Variants in LRRC4C observed in about 807,000 individuals in gnomAD.
The protein encoded by LRRC4C is leucine rich repeat containing 4C.
In LRRC4C, 5 loss-of-function variants were observed where a neutral mutation model predicts 33.6. That is an observed-to-expected ratio of 0.15 (90% CI 0.08 to 0.31). The LOEUF (loss-of-function observed/expected upper bound fraction) is 0.31. Among genes scored for constraint, LRRC4C ranks in the 10% least tolerant of loss-of-function variants. The pLI is 1.00. For synonymous variants in LRRC4C, 329 were observed against 302.0 expected, an observed-to-expected ratio of 1.09 and a Z score of -0.93; for missense variants, 560 against 796.7, an observed-to-expected ratio of 0.70 and a Z score of 3.58.
intron 4 of LRRC4C, among the ~76,000 whole-genome samples, chr11:40,303,616 A>T (rs1365880253): frequency 6.6e-6 from 1 of 152,202 alleles, no homozygotes; most frequent in East Asian, 1.9e-4. Flanking sequence ...TTAAAGCAAG[A>T]GTCTTCAATT....
chr11:40,718,947 G>A (rs1946867580), intron 2 of LRRC4C, among the ~76,000 whole-genome samples: 1 of 152,068 alleles, frequency 6.6e-6, no homozygotes, highest in South Asian at 2.1e-4. Context: ...GAAGAAACCA[G>A]GACTAAAGAT....
At chr11:40,135,334 T>C (rs1856895266) in intron 6 of LRRC4C, among the ~76,000 whole-genome samples, 1 of 152,196 alleles carries the variant, frequency 6.6e-6, no homozygotes, top group South Asian at 2.1e-4. Context: ...CCAAGTTTTC[T>C]TTTTTGCACA....
At chr11:40,839,651 G>A (rs982031271) in intron 2 of LRRC4C, among the ~76,000 whole-genome samples, 2 of 152,190 alleles carry the variant, frequency 1.3e-5, no homozygotes, top group African/African-American at 2.4e-5. Flanking sequence ...CAAAGAAGGA[G>A]AGTCATTATT....
chr11:40,528,418 G>A (rs1252173296), intron 3 of LRRC4C, among the ~76,000 whole-genome samples: 1 of 151,666 alleles, frequency 6.6e-6, no homozygotes, highest in Non-Finnish European at 1.5e-5. Flanking sequence ...CTAATCATTA[G>A]CAAAATGAAA....
intron 3 of LRRC4C, among the ~76,000 whole-genome samples, chr11:40,424,164 C>G (rs1463172123): frequency 2.0e-5 from 3 of 147,464 alleles, no homozygotes. Context: ...ACTTAAATGG[C>G]CTTCATAAAA....
chr11:40,435,547 A>G (rs1348586843), intron 3 of LRRC4C, among the ~76,000 whole-genome samples: 2 of 152,108 alleles, frequency 1.3e-5, no homozygotes, highest in East Asian at 3.9e-4. Context: ...GTAAAGTCCA[A>G]ATCTTCACTG....
chr11:40,561,408 CTTTTTTTTTTT>C (rs549919738), intron 3 of LRRC4C, among the ~76,000 whole-genome samples: 3 of 100,936 alleles, frequency 3.0e-5, no homozygotes, highest in South Asian at 3.7e-4. Context: ...CTGAGGATTC[CTTTTTTTTTTT>C]TTTTTTTTTT....
chr11:40,603,544 G>A (rs1960243276), intron 3 of LRRC4C, among the ~76,000 whole-genome samples: 1 of 152,194 alleles, frequency 6.6e-6, no homozygotes, highest in Admixed American at 6.5e-5. Context: ...GCAGATGGTG[G>A]CTAAATGTCA....
chr11:40,632,560 A>C (rs892658321), intron 3 of LRRC4C, among the ~76,000 whole-genome samples: 3 of 152,228 alleles, frequency 2.0e-5, no homozygotes, highest in Non-Finnish European at 4.4e-5. Context: ...GGAAGTGGGG[A>C]CATAGATGAG....
intron 1 of LRRC4C, among the ~76,000 whole-genome samples, chr11:41,313,844 C>T (rs190346706): frequency 2.0e-5 from 3 of 152,220 alleles, no homozygotes; most frequent in Admixed American, 6.5e-5. Flanking sequence ...GGAAGGTTCT[C>T]GAGGTTCTTA....
intron 2 of LRRC4C, among the ~76,000 whole-genome samples, chr11:40,899,575 C>G (rs908614433): frequency 5.9e-5 from 9 of 152,048 alleles, no homozygotes; most frequent in Admixed American, 2.0e-4. Context: ...TGAGCTTTTC[C>G]CAACATAGAT....
intron 4 of LRRC4C, among the ~76,000 whole-genome samples, chr11:40,286,716 C>A (rs1943865600): frequency 1.3e-5 from 2 of 151,944 alleles, no homozygotes; most frequent in South Asian, 4.2e-4. Flanking sequence ...TTTATTGCTC[C>A]CAAAATAACT....
At chr11:40,428,121 C>G (rs1282090445) in intron 3 of LRRC4C, among the ~76,000 whole-genome samples, 2 of 152,064 alleles carry the variant, frequency 1.3e-5, no homozygotes, top group Admixed American at 1.3e-4. Context: ...GAATACCAGC[C>G]CTGTCTGTAC....
In LRRC4C at chr11:40,290,033, C is replaced by G. The variant is rs73459213; in HGVS notation, c.-176+29595G>C. Among the ~76,000 whole-genome samples, 164 of 151,792 alleles carry G rather than the reference C, an allele frequency of 1.1e-3. 1 individual carries two copies. The highest frequency in any genetic ancestry group is 0.01 in the Admixed American group (160 of 15,248). The stretch of plus-strand genomic sequence containing the variant: ...AGCAGCACTGAAGAAATTTTGATGT[C>G]AACAAAAGATATATATATATATGTA... On this transcript the variant is annotated intron_variant, in intron 4 of 6. Coordinates refer to ENST00000528697, the MANE Select transcript of LRRC4C (RefSeq NM_001258419.2).
chr11:41,004,360 G>C (rs1363106171), intron 1 of LRRC4C, among the ~76,000 whole-genome samples: 3 of 151,602 alleles, frequency 2.0e-5, no homozygotes, highest in African/African-American at 7.3e-5. Context: ...GTCTTTTTTT[G>C]GTTGGTAGGA....
chr11:41,184,833 A>T (rs1422859811), intron 1 of LRRC4C, among the ~76,000 whole-genome samples: 1 of 142,416 alleles, frequency 7.0e-6, no homozygotes. Context: ...AAAAAAAAAA[A>T]GGTTTAATGG....
chr11:41,123,966 A>G (rs968247622), intron 1 of LRRC4C, among the ~76,000 whole-genome samples: 3 of 152,190 alleles, frequency 2.0e-5, no homozygotes, highest in Non-Finnish European at 4.4e-5. Flanking sequence ...TTGCCACAGC[A>G]TGACTTTTCT....
chr11:40,695,031 T>G (rs569942422), intron 2 of LRRC4C, among the ~76,000 whole-genome samples: 1 of 152,282 alleles, frequency 6.6e-6, no homozygotes, highest in East Asian at 1.9e-4. Context: ...TGTGCAGATA[T>G]TGTGTACTAA....
intron 1 of LRRC4C, among the ~76,000 whole-genome samples, chr11:41,193,943 G>A (rs987646505): frequency 1.3e-5 from 2 of 151,808 alleles, no homozygotes; most frequent in Non-Finnish European, 2.9e-5. Context: ...TTTTCATAAA[G>A]TCACATAGAG....
Sources: gnomAD v4.1 joint callset for allele counts (sites outside exome capture counted in the v4.1 genomes callset) on GRCh38, gnomAD v4.1.1 for gene constraint, MANE v1.5 for transcripts, NCBI Gene and HGNC (gene_info 2026-07-23, HGNC 2026-07-21) for gene names.